ATP9A: variants seen among roughly 807,000 people sequenced by gnomAD.
The protein encoded by ATP9A is ATPase phospholipid transporting 9A.
Under a neutral mutation model 144.1 loss-of-function variants are expected in ATP9A, and 52 were observed. That is an observed-to-expected ratio of 0.36 (90% CI 0.29 to 0.45). The LOEUF is 0.45. Among genes scored for constraint, ATP9A ranks in the 20% least tolerant of loss-of-function variants. The pLI is 1.00. For synonymous variants in ATP9A, 582 were observed against 557.4 expected, an observed-to-expected ratio of 1.04 and a Z score of -0.62; for missense variants, 947 against 1,392.7, an observed-to-expected ratio of 0.68 and a Z score of 5.09.
intron 21 of ATP9A, among the ~76,000 whole-genome samples, 166 bp downstream of exon 21, chr20:51,618,496 T>C (rs1465592958): frequency 6.6e-6 from 1 of 151,950 alleles, no homozygotes; most frequent in East Asian, 1.9e-4. Flanking sequence ...ATATTAAAAA[T>C]AATAACAAAA....
At chr20:51,623,019 C>T (rs922287364) in intron 18 of ATP9A, among the ~76,000 whole-genome samples, 6 of 152,144 alleles carry the variant, frequency 3.9e-5, no homozygotes, top group African/African-American at 1.4e-4. Context: ...AATGGAAGCG[C>T]TAAGAGCTTC....
intron 1 of ATP9A, among the ~76,000 whole-genome samples, chr20:51,730,872 CA>C (rs1407008134): frequency 3.3e-5 from 5 of 152,110 alleles, no homozygotes; most frequent in Admixed American, 3.3e-4. Flanking sequence ...GACTGTGTTC[CA>C]AAAAGTAAGA....
In ATP9A at chr20:51,639,348, C is replaced by G; in HGVS notation, c.1663G>C (p.Val555Leu). ...TYESKRMGII[V>L]RDESTGEITF... is the part of the protein sequence containing the mutation. The stretch of plus-strand genomic sequence containing the variant: ...CATGAATAAAAACGACTCACCCGCA[C>G]GATGATGCCCATACGTTTGCTTTCA... Residue 555 changes from valine (V) to leucine (L), a missense_variant, in exon 15 of 28, where the codon GTG becomes CTG. Physicochemically the swap from Val to Leu is conservative, Grantham distance 32 (BLOSUM62 1). Coordinates refer to ENST00000338821, the MANE Select transcript of ATP9A (RefSeq NM_006045.3). 3 of 1,611,598 alleles carry G rather than the reference C, an allele frequency of 1.9e-6. No individual in the cohort carries two copies. The highest frequency in any genetic ancestry group is 2.5e-6 in the Non-Finnish European group (3 of 1,178,972).
intron 9 of ATP9A, among the ~76,000 whole-genome samples, chr20:51,685,017 T>TAAAA (rs11325921): frequency 7.1e-6 from 1 of 139,872 alleles, no homozygotes; most frequent in Non-Finnish European, 1.6e-5. Flanking sequence ...TCTCCAAAAA[T>TAAAA]AAAAAAAAAA....
At chr20:51,746,222 T>A (rs2077807505) in intron 1 of ATP9A, among the ~76,000 whole-genome samples, 1 of 152,194 alleles carries the variant, frequency 6.6e-6, no homozygotes, top group Non-Finnish European at 1.5e-5. Context: ...AAGATAACTG[T>A]TGGGCACTGG....
chr20:51,751,115 G>A (rs143836801), intron 1 of ATP9A, among the ~76,000 whole-genome samples: 46 of 152,210 alleles, frequency 3.0e-4, no homozygotes, highest in African/African-American at 1.1e-3. Flanking sequence ...CTGCAGATGA[G>A]GATTCCATTG....
At chr20:51,766,990 T>G (rs886466787) in intron 1 of ATP9A, among the ~76,000 whole-genome samples, 1 of 151,864 alleles carries the variant, frequency 6.6e-6, no homozygotes, top group Non-Finnish European at 1.5e-5. Flanking sequence ...TTTCCTCCTC[T>G]GGGTAATATC....
rs889959505 is a variant in ATP9A at position 51,599,873 on chromosome 20, T to A, written c.*1338A>T. On this transcript the variant is annotated 3_prime_UTR_variant, in exon 28 of 28. Coordinates refer to ENST00000338821, the MANE Select transcript of ATP9A (RefSeq NM_006045.3). ...TAAAGATCCACCAACTTAACCCTTA[T>A]GGCATGCATATGTGGCTTCTGCAAG... 6.6e-6 allele frequency: 1 copy of A among 152,234 alleles called. No homozygotes were observed. The highest frequency in any genetic ancestry group is 1.5e-5 in the Non-Finnish European group (1 of 68,032). 9.4% of individuals were successfully genotyped at this position (152,234 alleles called of 1,614,324 possible). A position where few individuals can be genotyped will look rare whatever the true frequency, so the allele number is the denominator to read the frequency against.
At chr20:51,703,375 T>C (rs6067903) in intron 4 of ATP9A, among the ~76,000 whole-genome samples, 37,718 of 152,138 alleles carry the variant, frequency 0.25, 5,031 homozygotes, top group Non-Finnish European at 0.28. Flanking sequence ...TTAAACGCAT[T>C]TGCAGAAATT....
intron 9 of ATP9A, among the ~76,000 whole-genome samples, chr20:51,676,443 G>C (rs1379341166): frequency 3.9e-5 from 6 of 151,968 alleles, no homozygotes; most frequent in Non-Finnish European, 5.9e-5. Flanking sequence ...CAATAACTGG[G>C]ATTATAGGCG....
intron 1 of ATP9A, among the ~76,000 whole-genome samples, chr20:51,752,805 T>A (rs1482625669): frequency 6.6e-6 from 1 of 152,108 alleles, no homozygotes; most frequent in Non-Finnish European, 1.5e-5. Flanking sequence ...GGATTCAGAA[T>A]GAAAACATTA....
chr20:51,745,468 G>C (rs1341413359), intron 1 of ATP9A, among the ~76,000 whole-genome samples: 2 of 151,736 alleles, frequency 1.3e-5, no homozygotes, highest in East Asian at 3.9e-4. Context: ...TTATGAATTA[G>C]TCAACAGCAG....
intron 1 of ATP9A, among the ~76,000 whole-genome samples, chr20:51,755,520 T>G (rs961761600): frequency 2.0e-5 from 3 of 152,162 alleles, no homozygotes; most frequent in African/African-American, 7.2e-5. Flanking sequence ...TACCAAGTGT[T>G]GATGAGGACA....
chr20:51,753,666 C>CT (rs67673002), intron 1 of ATP9A, among the ~76,000 whole-genome samples: 13,836 of 137,180 alleles, frequency 0.1, 959 homozygotes, highest in African/African-American at 0.19. Context: ...CTTTTTCTTT[C>CT]TTTTTTTTTT....
intron 21 of ATP9A, among the ~76,000 whole-genome samples, chr20:51,618,381 A>G (rs2077212015): frequency 6.6e-6 from 1 of 152,124 alleles, no homozygotes; most frequent in African/African-American, 2.4e-5. Flanking sequence ...TTGAACCCAG[A>G]TCCAACCCCA....
In ATP9A at chr20:51,601,133, C is replaced by T. The variant is rs1186886874; in HGVS notation, c.*78G>A. On this transcript the variant is annotated 3_prime_UTR_variant, in exon 28 of 28. Coordinates refer to ENST00000338821, the MANE Select transcript of ATP9A (RefSeq NM_006045.3). The stretch of plus-strand genomic sequence containing the variant: ...CAATTACTGCAAAATCCACAGGTGG[C>T]GGTTAATATAAATGGAACTTGAGCT... 2.9e-5 allele frequency: 42 copies of T among 1,467,526 alleles called. 1 individual carries two copies. Among genetic ancestry groups the T allele is most frequent in the Admixed American group, 4.7e-5 (2 of 42,944 alleles). 90.9% of individuals were successfully genotyped at this position (1,467,526 alleles called of 1,614,324 possible).
At chr20:51,739,034 A>T (rs1460228025) in intron 1 of ATP9A, among the ~76,000 whole-genome samples, 1 of 152,106 alleles carries the variant, frequency 6.6e-6, no homozygotes, top group Non-Finnish European at 1.5e-5. Context: ...GGTTGCAGTG[A>T]GCTGAGATCA....
chr20:51,657,415 A>C (rs1296387997), intron 13 of ATP9A, among the ~76,000 whole-genome samples: 1 of 152,090 alleles, frequency 6.6e-6, no homozygotes, highest in Non-Finnish European at 1.5e-5. Context: ...GATTGAGTGA[A>C]TCTATCCTCC....
At chr20:51,687,709 A>G (rs893586235) in intron 9 of ATP9A, among the ~76,000 whole-genome samples, 45 of 151,888 alleles carry the variant, frequency 3.0e-4, no homozygotes, top group Non-Finnish European at 1.0e-4. Context: ...GGCTGCAGTG[A>G]GCCATGATTG....
Sources: allele counts gnomAD v4.1 joint callset (sites outside exome capture counted in the v4.1 genomes callset), GRCh38; gene constraint gnomAD v4.1.1; transcripts MANE v1.5; gene names NCBI Gene and HGNC (gene_info 2026-07-23, HGNC 2026-07-21).